Variants in TMEM272 observed in about 807,000 individuals in gnomAD.
TMEM272 encodes long intergenic non-protein coding RNA 282.
In TMEM272, 8 loss-of-function variants were observed where a neutral mutation model predicts 3.7. The observed-to-expected ratio is 2.17, with a 90% confidence interval of 1.27 to 3.91. TMEM272 has a LOEUF of 3.91. TMEM272 is among the 30% of genes most tolerant of loss of function. The pLI, the probability that TMEM272 is intolerant of heterozygous loss-of-function variation, is 0.00. For missense variants in TMEM272, 166 were observed against 91.5 expected (o/e 1.81, Z -3.32); for synonymous variants, 63 against 39.8 (o/e 1.58, Z -2.20).
At chr13:51,827,065 C>T (rs1367541888) in intron 2 of TMEM272, among the ~76,000 whole-genome samples, 1 of 152,208 alleles carries the variant, frequency 6.6e-6, no homozygotes, top group Non-Finnish European at 1.5e-5. Context: ...CTCACTTTAT[C>T]ACTGAAAGTA....
At chr13:51,883,824 T>C in the TMEM272 span, among the ~76,000 whole-genome samples, 1 of 152,226 alleles carries the variant, frequency 6.6e-6, no homozygotes, top group Admixed American at 6.5e-5. Context: ...ACACCTGGCT[T>C]GTGTTTGCCA....
chr13:51,839,076 G>A (rs1044952978), intron 1 of TMEM272, among the ~76,000 whole-genome samples: 5 of 152,026 alleles, frequency 3.3e-5, no homozygotes, highest in Non-Finnish European at 5.9e-5. Flanking sequence ...ACTTCCTGAC[G>A]CAGCTGCTGC....
chr13:51,908,692 A>G, the TMEM272 span: 5,282 of 1,472,870 alleles, frequency 3.6e-3, 19 homozygotes, highest in African/African-American at 5.2e-3. Flanking sequence ...TTATCCAAAG[A>G]AGGTATATTA....
chr13:51,819,180 G>A (rs1189212428), intron 4 of TMEM272, among the ~76,000 whole-genome samples: 2 of 152,224 alleles, frequency 1.3e-5, no homozygotes, highest in Non-Finnish European at 2.9e-5. Flanking sequence ...TGCACAAGGA[G>A]AGGTGCGAGG....
At chr13:51,915,450 A>G in the TMEM272 span, among the ~76,000 whole-genome samples, 1 of 152,134 alleles carries the variant, frequency 6.6e-6, no homozygotes, top group East Asian at 1.9e-4. Flanking sequence ...GTTCCTGACA[A>G]GAGAGACCTT....
At chr13:51,847,677 C>T (rs1956313494), upstream of TMEM272, among the ~76,000 whole-genome samples, 1 of 152,178 alleles carries the variant, frequency 6.6e-6, no homozygotes, top group Non-Finnish European at 1.5e-5. Context: ...TGACTGTGAG[C>T]AGTGAGGTCA....
chr13:51,924,203 T>A, the TMEM272 span, among the ~76,000 whole-genome samples: 2 of 152,050 alleles, frequency 1.3e-5, no homozygotes, highest in Non-Finnish European at 2.9e-5. Flanking sequence ...GGCGCCCTAT[T>A]CAGATGTCCT....
At chr13:51,826,303 G>A (rs1956124820) in intron 3 of TMEM272, among the ~76,000 whole-genome samples, 3 of 152,144 alleles carry the variant, frequency 2.0e-5, no homozygotes, top group Admixed American at 1.3e-4. Flanking sequence ...GGAGGGATCA[G>A]AATCATCTGG....
the TMEM272 span, among the ~76,000 whole-genome samples, chr13:51,868,732 G>A: frequency 5.3e-5 from 8 of 152,182 alleles, no homozygotes; most frequent in Non-Finnish European, 1.2e-4. Flanking sequence ...TTGAGCTCCT[G>A]GCAGGGAGAA....
chr13:51,908,187 A>G, the TMEM272 span: 1 of 647,978 alleles, frequency 1.5e-6, no homozygotes, highest in Non-Finnish European at 2.8e-6. Context: ...AGTCAAAATG[A>G]CTTTTGAAGA....
the TMEM272 span, among the ~76,000 whole-genome samples, chr13:51,887,657 C>A: frequency 1.1e-3 from 170 of 152,238 alleles, no homozygotes; most frequent in African/African-American, 3.7e-3. Context: ...CATTTTCTGG[C>A]CTACTTAAAG....
chr13:51,827,702 A>G (rs1365090384), intron 2 of TMEM272, among the ~76,000 whole-genome samples: 2 of 152,058 alleles, frequency 1.3e-5, no homozygotes, highest in Non-Finnish European at 1.5e-5. Flanking sequence ...TCTCTAGGTC[A>G]TCACCTTAAT....
intron 1 of TMEM272, among the ~76,000 whole-genome samples, chr13:51,841,639 C>T (rs545422265): frequency 6.5e-4 from 99 of 152,276 alleles, no homozygotes; most frequent in African/African-American, 2.2e-3. Flanking sequence ...TGGCTGATCC[C>T]TTTAGCCACT....
the TMEM272 span, among the ~76,000 whole-genome samples, chr13:51,917,382 GGA>G: frequency 6.6e-6 from 1 of 152,106 alleles, no homozygotes; most frequent in African/African-American, 2.4e-5. Context: ...AAGGAAAGAG[GGA>G]GAGAGCAGAA....
chr13:51,866,350 C>A, the TMEM272 span: 5 of 357,958 alleles, frequency 1.4e-5, no homozygotes, highest in Non-Finnish European at 2.6e-5. Flanking sequence ...CCAGCCTGTG[C>A]GGGTGTTTGG....
chr13:51,860,907 C>A, the TMEM272 span, among the ~76,000 whole-genome samples: 2,339 of 151,434 alleles, frequency 0.015, 23 homozygotes, highest in Non-Finnish European at 0.024. Context: ...TCTGGAGACA[C>A]AGTGAAAATT....
the TMEM272 span, chr13:51,908,363 C>T: frequency 5.3e-6 from 8 of 1,497,390 alleles, no homozygotes; most frequent in South Asian, 3.4e-5. Context: ...GAAAACCCCT[C>T]GGTGGACAGA....
chr13:51,904,901 A>G, the TMEM272 span, among the ~76,000 whole-genome samples: 6 of 152,226 alleles, frequency 3.9e-5, no homozygotes, highest in Non-Finnish European at 7.3e-5. Context: ...CATCATCATT[A>G]GTAGTGTTTC....
chr13:51,901,056 T>C, the TMEM272 span, among the ~76,000 whole-genome samples: 1 of 152,214 alleles, frequency 6.6e-6, no homozygotes, highest in African/African-American at 2.4e-5. Flanking sequence ...CACAATTCTA[T>C]GAATATACCA....
Sources: gnomAD v4.1 joint callset for allele counts (sites outside exome capture counted in the v4.1 genomes callset) on GRCh38, gnomAD v4.1.1 for gene constraint, MANE v1.5 for transcripts, NCBI Gene and HGNC (gene_info 2026-07-23, HGNC 2026-07-21) for gene names.